The following SHB variants were observed in gnomAD, a reference collection of about 807,000 sequenced individuals.
The protein encoded by SHB is SH2 domain-containing adapter protein B.
In SHB, 20 loss-of-function variants were observed where a neutral mutation model predicts 52.3. The observed-to-expected ratio is 0.38, with a 90% CI of 0.27 to 0.56. The LOEUF (loss-of-function observed/expected upper bound fraction) is 0.56, where lower values mean the gene tolerates loss of function less well. Among genes scored for constraint, SHB ranks in the 20% least tolerant of loss-of-function variants. The pLI, the probability that SHB is intolerant of heterozygous loss-of-function variation, is 0.71. For missense variants in SHB, 825 were observed against 723.3 expected, an observed-to-expected ratio of 1.14 and a Z score of -1.61; for synonymous variants, 397 against 316.5, an observed-to-expected ratio of 1.25 and a Z score of -2.70.
chr9:38,025,524 T>TC (rs1821330704), intron 1 of SHB, among the ~76,000 whole-genome samples: 1 of 152,212 alleles, frequency 6.6e-6, no homozygotes, highest in Non-Finnish European at 1.5e-5. Flanking sequence ...GATTTTCTTC[T>TC]CCTTTCTCCT....
intron 2 of SHB, among the ~76,000 whole-genome samples, chr9:38,014,973 CCAAA>C (rs1821192670): frequency 6.6e-6 from 1 of 152,178 alleles, no homozygotes; most frequent in Non-Finnish European, 1.5e-5. Context: ...ATGCAAAAAA[CCAAA>C]CAAAAACCAG....
chr9:37,986,243 C>T (rs150015295), intron 2 of SHB, among the ~76,000 whole-genome samples: 2 of 152,150 alleles, frequency 1.3e-5, no homozygotes, highest in Non-Finnish European at 2.9e-5. Context: ...CAGGAGAGGA[C>T]GATGAGGCCA....
intron 3 of SHB, among the ~76,000 whole-genome samples, chr9:37,973,866 C>T (rs902484696): frequency 5.9e-5 from 9 of 152,150 alleles, no homozygotes; most frequent in African/African-American, 2.2e-4. Context: ...TAGCTCAGCT[C>T]GCAGCACTGG....
intron 5 of SHB, among the ~76,000 whole-genome samples, chr9:37,925,662 G>A (rs1009550657): frequency 2.0e-5 from 3 of 152,130 alleles, no homozygotes; most frequent in African/African-American, 4.8e-5. Flanking sequence ...AAGTGGCTGC[G>A]TCTTTTCTTC....
At chr9:37,943,648 C>G (rs1832459245) in intron 5 of SHB, among the ~76,000 whole-genome samples, 1 of 152,214 alleles carries the variant, frequency 6.6e-6, no homozygotes, top group Non-Finnish European at 1.5e-5. Context: ...CTTGTCAAAG[C>G]TGCTGACTGC....
chr9:37,972,314 C>T (rs1045524406), intron 3 of SHB, among the ~76,000 whole-genome samples: 7 of 152,166 alleles, frequency 4.6e-5, no homozygotes, highest in Admixed American at 6.5e-5. Context: ...ATCAGCCATG[C>T]CCAGGGGACA....
chr9:38,046,160 G>C (rs1423191891), intron 1 of SHB, among the ~76,000 whole-genome samples: 1 of 152,092 alleles, frequency 6.6e-6, no homozygotes, highest in Non-Finnish European at 1.5e-5. Context: ...CCGGGAGGCG[G>C]AAGTTGCAGT....
At chr9:38,032,749 A>G (rs1821431034) in intron 1 of SHB, among the ~76,000 whole-genome samples, 1 of 152,222 alleles carries the variant, frequency 6.6e-6, no homozygotes, top group Admixed American at 6.5e-5. Flanking sequence ...AAGCCAGTGC[A>G]GCGTGGCACA....
At chr9:38,038,682 C>T (rs1821522596) in intron 1 of SHB, among the ~76,000 whole-genome samples, 1 of 152,222 alleles carries the variant, frequency 6.6e-6, no homozygotes, top group African/African-American at 2.4e-5. Context: ...CCTCCTTCCC[C>T]AGGACACAGG....
chr9:37,960,771 C>T (rs1467189966), intron 3 of SHB, among the ~76,000 whole-genome samples: 1 of 152,182 alleles, frequency 6.6e-6, no homozygotes, highest in Non-Finnish European at 1.5e-5. Context: ...ATCCAAGACA[C>T]CTAGCTTAGC....
intron 1 of SHB, among the ~76,000 whole-genome samples, chr9:38,050,574 C>T (rs1228297558): frequency 6.6e-6 from 1 of 152,082 alleles, no homozygotes; most frequent in Admixed American, 6.6e-5. Flanking sequence ...TTTCAGTACC[C>T]TTCACAGATC....
At chr9:37,964,372 G>T (rs1832726038) in intron 3 of SHB, among the ~76,000 whole-genome samples, 1 of 152,192 alleles carries the variant, frequency 6.6e-6, no homozygotes, top group Non-Finnish European at 1.5e-5. Context: ...CCTGGCAGAA[G>T]GGGCATGCCT....
intron 5 of SHB, among the ~76,000 whole-genome samples, chr9:37,942,230 C>T (rs776089942): frequency 6.6e-6 from 1 of 152,192 alleles, no homozygotes; most frequent in Non-Finnish European, 1.5e-5. Context: ...AACACAAACC[C>T]GGCTGCTCTA....
intron 1 of SHB, among the ~76,000 whole-genome samples, chr9:38,040,500 T>C (rs545889672): frequency 6.6e-6 from 1 of 152,326 alleles, no homozygotes; most frequent in South Asian, 2.1e-4. Flanking sequence ...TCCGCTGCTC[T>C]GCTCAAGTGA....
chr9:38,036,757 A>G (rs1821493188), intron 1 of SHB, among the ~76,000 whole-genome samples: 1 of 152,228 alleles, frequency 6.6e-6, no homozygotes. Context: ...ATAATAATAC[A>G]AGAAATACTG....
At chr9:38,035,349 G>T (rs12350910) in intron 1 of SHB, among the ~76,000 whole-genome samples, 1 of 151,762 alleles carries the variant, frequency 6.6e-6, no homozygotes, top group Non-Finnish European at 1.5e-5. Flanking sequence ...TGAGCACTTG[G>T]CAAGGAGGAC....
intron 5 of SHB, among the ~76,000 whole-genome samples, chr9:37,934,246 GTA>G (rs1330802883): frequency 1.3e-5 from 2 of 152,184 alleles, no homozygotes; most frequent in Non-Finnish European, 1.5e-5. Flanking sequence ...GTGTCATCAG[GTA>G]TAGTAACACT....
At chr9:38,005,185 G>A (rs1025666214) in intron 2 of SHB, among the ~76,000 whole-genome samples, 5 of 152,222 alleles carry the variant, frequency 3.3e-5, no homozygotes, top group Non-Finnish European at 7.3e-5. Context: ...GTGGGCAGTA[G>A]GAAAAGAGAG....
At chr9:38,056,491 A>G (rs1285001499) in intron 1 of SHB, among the ~76,000 whole-genome samples, 1 of 152,070 alleles carries the variant, frequency 6.6e-6, no homozygotes, top group Non-Finnish European at 1.5e-5. Flanking sequence ...GCCACCACAC[A>G]CAGGTAATTT....
Sources: allele counts gnomAD v4.1 joint callset (sites outside exome capture counted in the v4.1 genomes callset), GRCh38; gene constraint gnomAD v4.1.1; transcripts MANE v1.5; gene names NCBI Gene and HGNC (gene_info 2026-07-23, HGNC 2026-07-21).